The following CNTN5 variants were observed in gnomAD, a reference collection of about 807,000 sequenced individuals.
CNTN5 encodes contactin-5.
A neutral mutation model predicts 129.1 loss-of-function variants in CNTN5; 77 were observed. The ratio of observed to expected loss-of-function variants is 0.60; its 90% CI spans 0.50 to 0.72. The LOEUF is 0.72. CNTN5 is among the 30% of genes least tolerant of loss of function. The pLI, the probability that CNTN5 is intolerant of heterozygous loss-of-function variation, is 0.00. For missense variants in CNTN5, 1,478 were observed against 1,328.8 expected, an observed-to-expected ratio of 1.11 and a Z score of -1.75; for synonymous variants, 509 against 465.6, an observed-to-expected ratio of 1.09 and a Z score of -1.20.
At position 99,834,555 on chromosome 11, in the gene CNTN5, A is replaced by G. The variant is rs191544884; in HGVS notation, c.278-10297A>G. On this transcript the variant is annotated intron_variant, in intron 4 of 24. Transcript: ENST00000524871. ...CCAAACCACAATTTTACAGCAAACG[A>G]TTGCACTTTTATTTGTCCTTTTAAA... Among the ~76,000 whole-genome samples, 464 of 152,242 alleles carry G rather than the reference A, an allele frequency of 3.0e-3. 1 individual carries two copies. Among genetic ancestry groups the G allele is most frequent in the Non-Finnish European group, 5.4e-3 (365 of 68,010 alleles).
intron 8 of CNTN5, among the ~76,000 whole-genome samples, chr11:99,996,628 C>A (rs1163217637): frequency 4.6e-5 from 7 of 152,080 alleles, no homozygotes; most frequent in Non-Finnish European, 7.4e-5. Flanking sequence ...CTCAAATATG[C>A]ATGTATTAGT....
chr11:99,181,995 C>A (rs1007677423), intron 1 of CNTN5, among the ~76,000 whole-genome samples: 1 of 152,082 alleles, frequency 6.6e-6, no homozygotes, highest in Non-Finnish European at 1.5e-5. Context: ...AATTATATCA[C>A]CATACATTAT....
chr11:100,337,158 G>C, intron 21 of CNTN5: 1 of 1,434,078 alleles, frequency 7.0e-7, no homozygotes, highest in African/African-American at 1.4e-5. Context: ...CTGCACCCAT[G>C]AATGTTCACC....
intron 7 of CNTN5, among the ~76,000 whole-genome samples, chr11:99,945,489 C>CGTGTGTGTGTGTGTGTGTGT (rs3990615): frequency 1.3e-5 from 2 of 148,892 alleles, no homozygotes; most frequent in African/African-American, 5.0e-5. Context: ...AACCTCTGTG[C>CGTGTGTGTGTGTGTGTGTGT]GTGTGTGTGT....
intron 9 of CNTN5, among the ~76,000 whole-genome samples, chr11:100,050,974 A>G (rs943695389): frequency 1.3e-5 from 2 of 152,176 alleles, no homozygotes; most frequent in Non-Finnish European, 2.9e-5. Context: ...GGAAATTGAT[A>G]TTTTACTATA....
Position 99,261,342 on chromosome 11 carries a change from C to G in CNTN5, c.-209-64004C>G, listed in dbSNP as rs184422950. Among the ~76,000 whole-genome samples, 554 of 151,962 alleles carry G rather than the reference C, an allele frequency of 3.6e-3. 5 individuals are homozygous for G. The highest frequency in any genetic ancestry group is 6.8e-3 in the Middle Eastern group (2 of 294). ...CATAAGGGCAACAAAATAGAAATACCTACTCAATAGCCCCTGTTTATTGGG... is the reference window on the plus strand; with the variant it reads ...CATAAGGGCAACAAAATAGAAATACGTACTCAATAGCCCCTGTTTATTGGG... On this transcript the variant is annotated intron_variant, in intron 1 of 24. Transcript: ENST00000524871.
At chr11:99,703,958 T>C (rs666825) in intron 3 of CNTN5, among the ~76,000 whole-genome samples, 58,899 of 150,632 alleles carry the variant, frequency 0.39, 11,699 homozygotes, top group Middle Eastern at 0.49. Context: ...ATAAATAATC[T>C]GAAACAAGTT....
intron 7 of CNTN5, among the ~76,000 whole-genome samples, chr11:99,932,690 T>C (rs998031339): frequency 6.6e-6 from 1 of 152,178 alleles, no homozygotes; most frequent in African/African-American, 2.4e-5. Flanking sequence ...TTTAATGAGA[T>C]GATATATGTA....
chr11:99,697,341 A>G (rs2134837983), intron 3 of CNTN5, among the ~76,000 whole-genome samples: 1 of 151,762 alleles, frequency 6.6e-6, no homozygotes, highest in East Asian at 1.9e-4. Flanking sequence ...GAAACTTTAC[A>G]GCCTATGTTC....
chr11:100,061,179 G>A (rs1943459263), intron 9 of CNTN5, 33 bp from the exon 10 acceptor site: 1 of 1,546,468 alleles, frequency 6.5e-7, no homozygotes, highest in African/African-American at 1.4e-5. Flanking sequence ...ACAGTGGAGA[G>A]TGTATTAACA....
intron 2 of CNTN5, among the ~76,000 whole-genome samples, chr11:99,345,405 T>A (rs1164432042): frequency 2.0e-5 from 3 of 152,174 alleles, no homozygotes; most frequent in Admixed American, 2.0e-4. Flanking sequence ...TTCACCTTTG[T>A]ACACAGGCAT....
At chr11:99,232,630 C>T (rs553717017) in intron 1 of CNTN5, among the ~76,000 whole-genome samples, 7 of 152,148 alleles carry the variant, frequency 4.6e-5, no homozygotes, top group East Asian at 1.9e-4. Flanking sequence ...TCTTCCTATT[C>T]GAATGCCCTT....
chr11:99,355,858 G>A (rs1247758252), intron 2 of CNTN5, among the ~76,000 whole-genome samples: 9 of 140,768 alleles, frequency 6.4e-5, no homozygotes, highest in Non-Finnish European at 1.1e-4. Context: ...ACGGAATCTC[G>A]CTCTTTCGCC....
At chr11:99,710,768 G>T (rs1160868206) in intron 3 of CNTN5, among the ~76,000 whole-genome samples, 1 of 151,742 alleles carries the variant, frequency 6.6e-6, no homozygotes, top group Non-Finnish European at 1.5e-5. Context: ...CATTTGAAAG[G>T]GAATAGGGAT....
intron 21 of CNTN5, among the ~76,000 whole-genome samples, chr11:100,338,100 C>A (rs913949877): frequency 6.6e-6 from 1 of 152,144 alleles, no homozygotes; most frequent in Non-Finnish European, 1.5e-5. Context: ...TAAAAACATA[C>A]AAAAGACGAG....
At chr11:99,375,302 C>CGAAAAA (rs1940103076) in intron 2 of CNTN5, among the ~76,000 whole-genome samples, 1 of 53,570 alleles carries the variant, frequency 1.9e-5, no homozygotes, top group Non-Finnish European at 3.0e-5. Context: ...GAGTCTGTCT[C>CGAAAAA]AAAAAAAAAA....
At position 99,292,430 on chromosome 11, in the gene CNTN5, G is replaced by A. The variant is rs573002586; in HGVS notation, c.-209-32916G>A. Among the ~76,000 whole-genome samples, 6 of 152,044 alleles carry A rather than the reference G, an allele frequency of 3.9e-5. No individual in the cohort carries two copies. In the South Asian group the frequency reaches 8.3e-4, roughly 21 times the overall value. Reference sequence around the variant, plus strand: ...TGTGTAAGAAAATAGAGGAAAGGACGATTTGCTGTTTTCAGTTCCAATTTG... The same window carrying A: ...TGTGTAAGAAAATAGAGGAAAGGACAATTTGCTGTTTTCAGTTCCAATTTG... On this transcript the variant is annotated intron_variant, in intron 1 of 24. Coordinates refer to ENST00000524871, the MANE Select transcript of CNTN5 (RefSeq NM_014361.4).
At chr11:99,758,607 T>G (rs1376498721) in intron 3 of CNTN5, among the ~76,000 whole-genome samples, 1 of 151,986 alleles carries the variant, frequency 6.6e-6, no homozygotes, top group Non-Finnish European at 1.5e-5. Context: ...ATTATAATCT[T>G]ATGAGAGTGT....
At chr11:99,074,434 A>C (rs1301910659) in intron 1 of CNTN5, among the ~76,000 whole-genome samples, 1 of 152,110 alleles carries the variant, frequency 6.6e-6, no homozygotes, top group Admixed American at 6.6e-5. Context: ...GAACTGTAGA[A>C]ACCCTAGAAG....
Sources: gnomAD v4.1 joint callset for allele counts (sites outside exome capture counted in the v4.1 genomes callset) on GRCh38, gnomAD v4.1.1 for gene constraint, MANE v1.5 for transcripts, NCBI Gene and HGNC (gene_info 2026-07-23, HGNC 2026-07-21) for gene names.